Variants in GRK2 observed in about 807,000 individuals in gnomAD.
GRK2 encodes the protein G protein-coupled receptor kinase 2.
In GRK2, 23 loss-of-function variants were observed where a neutral mutation model predicts 97.8. The ratio of observed to expected loss-of-function variants is 0.24; its 90% CI spans 0.17 to 0.33. The LOEUF (loss-of-function observed/expected upper bound fraction) is 0.33, where lower values mean the gene tolerates loss of function less well. Among genes scored for constraint, GRK2 ranks in the 10% least tolerant of loss-of-function variants. The probability of loss-of-function intolerance (pLI) is 1.00; values close to 1 mark genes in which losing one functional copy is unlikely to be tolerated. For synonymous variants in GRK2, 425 were observed against 381.7 expected (o/e 1.11, Z -1.32); for missense variants, 633 against 956.9 (o/e 0.66, Z 4.47).
At chr11:67,279,124 C>CA (rs1184249647) in intron 2 of GRK2, 76 bp from the exon 3 acceptor site, 1 of 1,333,436 alleles carries the variant, frequency 7.5e-7, no homozygotes, top group African/African-American at 1.4e-5. Flanking sequence ...CCAGGGAGCC[C>CA]AACCCACACC....
chr11:67,279,213 C>G lies in GRK2; in HGVS notation c.204C>G (p.Phe68Leu). 2 of 1,613,324 alleles carry G rather than the reference C, an allele frequency of 1.2e-6. No individual in the cohort carries two copies. The highest frequency in any genetic ancestry group is 2.2e-5 in the South Asian group (2 of 91,058). ...TGTTGCCTTCAGGGTACCTGCTCTT[C>G]CGAGACTTCTGCCTGAACCACCTGG... Reference protein sequence around the residue: ...IFSQKLGYLLFRDFCLNHLEE... With the variant: ...IFSQKLGYLLLRDFCLNHLEE... Residue 68 changes from phenylalanine (F) to leucine (L), a missense_variant, in exon 3 of 21, where the codon TTC becomes TTG. Phe to Leu is a conservative substitution (Grantham distance 22, BLOSUM62 0). Around this residue, in one of 4 missense-constraint regions of GRK2, gnomAD observed 193 missense variants for 212.2 expected, o/e 0.91. Coordinates refer to ENST00000308595, the MANE Select transcript of GRK2 (RefSeq NM_001619.5).
chr11:67,282,561 G>A lies in GRK2; in HGVS notation c.1160+19G>A. ...TGCGGGGGTGAGTGGCCCATCCCAG[G>A]TGGGCAGGTGGGTTGGGGCTAAGAG... is the stretch of plus-strand genomic sequence containing the variant. On this transcript the variant is annotated intron_variant, in intron 13 of 20. Coordinates refer to ENST00000308595, the MANE Select transcript of GRK2 (RefSeq NM_001619.5). The surrounding 1 kb of genome is among the most constrained non-coding windows in gnomAD (Gnocchi z 6.9). The A allele has an allele frequency of 6.2e-7, 1 of 1,607,866 alleles. No homozygotes were observed. Among genetic ancestry groups the A allele is most frequent in the Non-Finnish European group, 8.5e-7 (1 of 1,175,394 alleles).
Position 67,281,488 on chromosome 11 carries a change from G to T in GRK2, c.677G>T (p.Arg226Leu), listed in dbSNP as rs1487408087. The change falls in exon 9 of 21, where the codon CGC (arginine) becomes CTC (leucine). Residue 226 changes from arginine (R) to leucine (L), a missense_variant. By Grantham distance (102) the Arg-to-Leu change is moderately radical. This residue lies in a region of GRK2 where 192 missense variants were observed against 362.3 expected (regional missense o/e 0.53). Coordinates refer to ENST00000308595, the MANE Select transcript of GRK2 (RefSeq NM_001619.5). This position sits in a 1 kb window ranked among gnomAD's most constrained non-coding sequence, Gnocchi z 5.7. ...GCCATGAAGTGCCTGGACAAAAAGC[G>T]CATCAAGATGAAGCAGGGGGAGACC... ...MYAMKCLDKK[R>L]IKMKQGETLA... is the part of the protein sequence containing the mutation. 6.2e-7 allele frequency: 1 copy of T among 1,613,526 alleles called. No homozygotes were observed.
chr11:67,285,438 C>T lies in GRK2; in HGVS notation c.2058C>T (p.Ala686=), dbSNP rs144172325. The change falls in exon 21 of 21, where the codon GCC becomes GCT. Residue 686 remains alanine, a synonymous_variant. Coordinates refer to ENST00000308595, the MANE Select transcript of GRK2 (RefSeq NM_001619.5). ...SKVPLVQRGS[A]NGL is the part of the protein sequence containing the mutation. Reference sequence around the variant, plus strand: ...TGCCGCTGGTCCAGCGCGGCAGTGCCAACGGCCTCTGACCCGCCCACCCGC... The same window carrying T: ...TGCCGCTGGTCCAGCGCGGCAGTGCTAACGGCCTCTGACCCGCCCACCCGC... 265 of 1,569,094 alleles carry T rather than the reference C, an allele frequency of 1.7e-4. 1 individual carries two copies. The highest frequency in any genetic ancestry group is 1.2e-4 in the Non-Finnish European group (144 of 1,157,184).
rs759325066 is a variant in GRK2 at position 67,285,440 on chromosome 11, A to G, written c.2060A>G (p.Asn687Ser). The change falls in exon 21 of 21, where the codon AAC becomes AGC. Residue 687 changes from asparagine to serine, a missense_variant. By Grantham distance (46) the Asn-to-Ser change is conservative. Around this residue, in one of 4 missense-constraint regions of GRK2, gnomAD observed 180 missense variants for 311.3 expected, o/e 0.58. Transcript: ENST00000308595. ...CCGCTGGTCCAGCGCGGCAGTGCCAACGGCCTCTGACCCGCCCACCCGCCT... is the reference window on the plus strand; with the variant it reads ...CCGCTGGTCCAGCGCGGCAGTGCCAGCGGCCTCTGACCCGCCCACCCGCCT... ...KVPLVQRGSA[N>S]GL 2 of 1,566,550 alleles carry G rather than the reference A, an allele frequency of 1.3e-6. No homozygotes were observed. Among genetic ancestry groups the G allele is most frequent in the Admixed American group, 3.8e-5 (2 of 52,774 alleles).
intron 1 of GRK2, among the ~76,000 whole-genome samples, chr11:67,274,444 C>T (rs1859979405): frequency 7.2e-6 from 1 of 138,612 alleles, no homozygotes; most frequent in Non-Finnish European, 1.5e-5. Flanking sequence ...GCTGGGATTG[C>T]TTTGCCTGTC....
At chr11:67,272,453 C>T (rs944439913) in intron 1 of GRK2, among the ~76,000 whole-genome samples, 3 of 152,278 alleles carry the variant, frequency 2.0e-5, no homozygotes, top group East Asian at 1.9e-4. Flanking sequence ...CCTCTGACCC[C>T]GAGCAGGAGA....
At chr11:67,280,828 C>T (rs1337521148) in intron 7 of GRK2, 45 bp downstream of exon 7, 1 of 1,605,970 alleles carries the variant, frequency 6.2e-7, no homozygotes, top group Non-Finnish European at 8.5e-7. Context: ...CACCCTGCTG[C>T]TCCTCTCCCG....
chr11:67,272,968 C>T (rs898666212), intron 1 of GRK2, among the ~76,000 whole-genome samples: 12 of 152,226 alleles, frequency 7.9e-5, no homozygotes, highest in Admixed American at 4.6e-4. Flanking sequence ...GTCGGTGAGC[C>T]GTGGGGCACT....
At position 67,283,666 on chromosome 11, in the gene GRK2, CAG is replaced by C. The variant is rs769702426; in HGVS notation, c.1329-40_1329-39del. On this transcript the variant is annotated intron_variant, in intron 15 of 20. Transcript: ENST00000308595. Reference sequence around the variant, plus strand: ...TCAATCAGGAGTTAAGCCCGGGACTCAGGGTGGGGCTGAGCCCAGATGACTGG... The same window carrying C: ...TCAATCAGGAGTTAAGCCCGGGACTCGGTGGGGCTGAGCCCAGATGACTGG... 174 of 1,605,146 alleles carry C rather than the reference CAG, an allele frequency of 1.1e-4. 1 individual carries two copies. The South Asian group carries it at 1.9e-3, about 17-fold the overall frequency.
chr11:67,286,446 A>G lies in GRK2; in HGVS notation c.*996A>G. ...CTCCCCCCCGGGGCTGGGTTGGCGC[A>G]CCCTCCCCTCCCGTCTACTCATTCC... On this transcript the variant is annotated 3_prime_UTR_variant, in exon 21 of 21. Coordinates refer to ENST00000308595, the MANE Select transcript of GRK2 (RefSeq NM_001619.5). The G allele has an allele frequency of 2.9e-6, 2 of 698,862 alleles. No homozygotes were observed. The highest frequency in any genetic ancestry group is 1.5e-5 in the South Asian group (1 of 67,382). The allele number at this position is 698,862 out of a possible 1,614,324, so 43.3% of individuals were successfully genotyped here.
At chr11:67,272,068 A>G (rs1352099282) in intron 1 of GRK2, among the ~76,000 whole-genome samples, 2 of 152,178 alleles carry the variant, frequency 1.3e-5, no homozygotes, top group African/African-American at 4.8e-5. Context: ...AAGCTTTAGC[A>G]TCACTGTCAC....
rs199833258 is a variant in GRK2, at chr11:67,282,416, G to A, written c.1053-19G>A. 60 of 1,388,850 alleles carry A rather than the reference G, an allele frequency of 4.3e-5. 1 individual carries two copies. The East Asian group carries it at 1.5e-3, about 34-fold the overall frequency. The allele number at this position is 1,388,850 out of a possible 1,614,324, so 86.0% of individuals were successfully genotyped here. ...CCCACCCCTTGCCACTCCCGCTTAT[G>A]GCCCCCTTGCTCCCACAGGGGCACC... On this transcript the variant is annotated intron_variant, in intron 12 of 20. Transcript: ENST00000308595. This position sits in a 1 kb window ranked among gnomAD's most constrained non-coding sequence, Gnocchi z 6.9.
rs567028810 is a variant in GRK2 at position 67,283,445 on chromosome 11, C to G, written c.1328+217C>G. 3.3e-5 allele frequency: 20 copies of G among 611,524 alleles called. No individual in the cohort carries two copies. The East Asian group carries it at 5.5e-4, about 17-fold the overall frequency. The allele number at this position is 611,524 out of a possible 1,614,324, so 37.9% of individuals were successfully genotyped here. On this transcript the variant is annotated intron_variant, in intron 15 of 20. Transcript: ENST00000308595. ...CTAGTAACTGGCTTCCAGAGGGGCC[C>G]TTGTCACAGATGATGATGATAGCAG...
rs988563824 is a variant in GRK2, at chr11:67,269,373, G to A, written c.113+2561G>A. ...CAGGGAGGGGAGGAGTCGTGTCCTC[G>A]TCACAGAAGAAAGCTGGAATGGGGC... On this transcript the variant is annotated intron_variant, in intron 1 of 20. Transcript: ENST00000308595. This position sits in a 1 kb window ranked among gnomAD's most constrained non-coding sequence, Gnocchi z 4.1. Among the ~76,000 whole-genome samples the A allele has an allele frequency of 5.3e-5, 8 of 152,316 alleles. No homozygotes were observed. In the South Asian group the frequency reaches 1.2e-3, roughly 24 times the overall value.
At chr11:67,283,569 C>A in intron 15 of GRK2, 138 bp from the exon 16 acceptor site, 1 of 851,708 alleles carries the variant, frequency 1.2e-6, no homozygotes, top group Non-Finnish European at 1.9e-6. Flanking sequence ...AACTTCTGTT[C>A]TCCCATTTGA....
chr11:67,267,933 T>C (rs1431639997), intron 1 of GRK2, among the ~76,000 whole-genome samples: 1 of 152,240 alleles, frequency 6.6e-6, no homozygotes, highest in African/African-American at 2.4e-5. Context: ...GGTTCTACAT[T>C]TCATCAGCTA....
chr11:67,282,486 C>T lies in GRK2; in HGVS notation c.1104C>T (p.Tyr368=), dbSNP rs768123612. 56 of 1,613,670 alleles carry T rather than the reference C, an allele frequency of 3.5e-5. 2 individuals carry two copies. Among genetic ancestry groups the T allele is most frequent in the Admixed American group, 8.3e-5 (5 of 60,024 alleles). ...APEVLQKGVA[Y]DSSADWFSLG... is the part of the protein sequence containing the mutation. ...AGGTCCTGCAGAAGGGCGTGGCCTA[C>T]GACAGCAGTGCCGACTGGTTCTCTC... Residue 368 remains tyrosine, a synonymous_variant, in exon 13 of 21, where the codon TAC becomes TAT. Transcript: ENST00000308595. This position sits in a 1 kb window ranked among gnomAD's most constrained non-coding sequence, Gnocchi z 6.9.
intron 2 of GRK2, among the ~76,000 whole-genome samples, chr11:67,278,040 G>C (rs1246801953): frequency 6.6e-6 from 1 of 152,230 alleles, no homozygotes; most frequent in Non-Finnish European, 1.5e-5. Context: ...CCAGGCCTGT[G>C]CCTTTTGTCC....
Sources: allele counts gnomAD v4.1 joint callset (sites outside exome capture counted in the v4.1 genomes callset), GRCh38; gene constraint gnomAD v4.1.1; regional missense constraint gnomAD v4.1.1; non-coding constraint Gnocchi (gnomAD v3.1); transcripts MANE v1.5; gene names NCBI Gene and HGNC (gene_info 2026-07-23, HGNC 2026-07-21).